RIOX2: variants seen among roughly 807,000 people sequenced by gnomAD.
RIOX2 encodes ribosomal oxygenase 2.
A neutral mutation model predicts 51.2 loss-of-function variants in RIOX2; 43 were observed. That is an observed-to-expected ratio of 0.84 (90% CI 0.66 to 1.08). The LOEUF is 1.08. Ranked by LOEUF, RIOX2 falls within the 50% of genes least tolerant of loss-of-function variation. The probability of loss-of-function intolerance (pLI) is 0.00; values close to 1 mark genes in which losing one functional copy is unlikely to be tolerated. For synonymous variants in RIOX2, 226 were observed against 218.5 expected (o/e 1.03, Z -0.30); for missense variants, 566 against 561.7 (o/e 1.01, Z -0.08).
chr3:97,942,344 C>G lies in RIOX2; in HGVS notation c.*2840G>C. On this transcript the variant is annotated 3_prime_UTR_variant, in exon 10 of 10. Transcript: ENST00000394198. Reference sequence around the variant, plus strand: ...GGACACACCTGGAGCTAAAGTAGCTCTATGGACTGAACATGGGCAATTCAG... The same window carrying G: ...GGACACACCTGGAGCTAAAGTAGCTGTATGGACTGAACATGGGCAATTCAG... 6.2e-7 allele frequency: 1 copy of G among 1,611,852 alleles called. No homozygotes were observed. Among genetic ancestry groups the G allele is most frequent in the East Asian group, 2.2e-5 (1 of 44,810 alleles).
At chr3:97,969,819 C>T (rs1421444650) in intron 1 of RIOX2, among the ~76,000 whole-genome samples, 1 of 152,216 alleles carries the variant, frequency 6.6e-6, no homozygotes, top group Non-Finnish European at 1.5e-5. Flanking sequence ...CAGAACTTCA[C>T]CCATGTGCCT....
At chr3:97,946,353 T>TA (rs1442321349) in intron 8 of RIOX2, among the ~76,000 whole-genome samples, 1 of 151,820 alleles carries the variant, frequency 6.6e-6, no homozygotes, top group African/African-American at 2.4e-5. Flanking sequence ...GTGTGATCGA[T>TA]AAAAAACTCC....
chr3:97,965,597 T>G (rs1705859825), intron 2 of RIOX2, among the ~76,000 whole-genome samples: 2 of 151,266 alleles, frequency 1.3e-5, no homozygotes, highest in South Asian at 4.2e-4. Context: ...TTTAATAAAC[T>G]CAGCCAGAGC....
chr3:97,967,398 T>A lies in RIOX2; in HGVS notation c.196A>T (p.Ile66Phe). ...GCCAGTGCAGGGTCATCTCTCTGAATGAGAAGGGGCTTCTGCTCCCAGAAT... is the reference window on the plus strand; with the variant it reads ...GCCAGTGCAGGGTCATCTCTCTGAAAGAGAAGGGGCTTCTGCTCCCAGAAT... Reference protein sequence around the residue: ...KEFWEQKPLLIQRDDPALATY... With the variant: ...KEFWEQKPLLFQRDDPALATY... Residue 66 changes from isoleucine (I) to phenylalanine (F), a missense_variant, in exon 2 of 10, where the codon ATT (isoleucine) becomes TTT (phenylalanine). Physicochemically the swap from Ile to Phe is conservative, Grantham distance 21. Coordinates refer to ENST00000394198, the MANE Select transcript of RIOX2 (RefSeq NM_153182.4). 1.2e-6 allele frequency: 2 copies of A among 1,614,146 alleles called. No homozygotes were observed. The highest frequency in any genetic ancestry group is 1.7e-6 in the Non-Finnish European group (2 of 1,180,020).
intron 1 of RIOX2, chr3:97,971,962 T>G (rs972078826): frequency 6.6e-6 from 1 of 152,246 alleles, no homozygotes; most frequent in Admixed American, 6.5e-5. Context: ...AGGCCCGACA[T>G]GACGCCCGGC....
rs530294298 is a variant in RIOX2, at chr3:97,971,198, T to A, written c.-40+1183A>T. ...TATTACTAAATCGGGGAGGGAAGTA[T>A]GAATTTCTACATCCCCTGGGCAGTT... On this transcript the variant is annotated intron_variant, in intron 1 of 9. Transcript: ENST00000394198. Among the ~76,000 whole-genome samples, 141 of 152,332 alleles carry A rather than the reference T, an allele frequency of 9.3e-4. 4 individuals are homozygous for A. The highest frequency in any genetic ancestry group is 5.2e-4 in the Admixed American group (8 of 15,300).
At chr3:97,945,569 A>G (rs112486596) in intron 9 of RIOX2, 26 of 607,936 alleles carry the variant, frequency 4.3e-5, no homozygotes, top group African/African-American at 7.4e-5. Context: ...ACATTATACC[A>G]TTCCTATAAG....
intron 2 of RIOX2, among the ~76,000 whole-genome samples, chr3:97,966,061 C>A (rs902001993): frequency 6.6e-6 from 1 of 152,170 alleles, no homozygotes; most frequent in Non-Finnish European, 1.5e-5. Flanking sequence ...CAGGACTCAT[C>A]TTGAAAAATC....
At chr3:97,945,974 C>A in intron 8 of RIOX2, 87 bp from the exon 9 acceptor site, 1 of 904,390 alleles carries the variant, frequency 1.1e-6, no homozygotes, top group African/African-American at 1.7e-5. Flanking sequence ...TAGGTCAACA[C>A]CAAAAAAAAT....
intron 7 of RIOX2, among the ~76,000 whole-genome samples, chr3:97,947,657 A>G (rs1189573076): frequency 6.6e-6 from 1 of 152,200 alleles, no homozygotes; most frequent in Non-Finnish European, 1.5e-5. Flanking sequence ...CTTACAGTGA[A>G]GACAGACATA....
intron 1 of RIOX2, among the ~76,000 whole-genome samples, chr3:97,970,440 A>G (rs1379357810): frequency 6.6e-6 from 1 of 152,232 alleles, no homozygotes. Flanking sequence ...CATTCCTCTT[A>G]ACAGCTTTCT....
At chr3:97,949,776 C>T in intron 7 of RIOX2, 68 bp downstream of exon 7, 2 of 1,433,114 alleles carry the variant, frequency 1.4e-6, no homozygotes, top group South Asian at 2.5e-5. Flanking sequence ...AAAAAGGAGC[C>T]TACCCAGAAA....
In RIOX2 at chr3:97,943,617, C is replaced by T. The variant is rs564084002; in HGVS notation, c.*1567G>A. 4.8e-5 allele frequency: 15 copies of T among 310,126 alleles called. No homozygotes were observed. Among genetic ancestry groups the T allele is most frequent in the African/African-American group, 2.3e-4 (10 of 44,312 alleles). 19.2% of individuals were successfully genotyped at this position (310,126 alleles called of 1,614,324 possible). ...TTTATTTTCTCTCATATCCACCAAACGTGAATCCTGTTCCTGATGGCCCGT... is the reference window on the plus strand; with the variant it reads ...TTTATTTTCTCTCATATCCACCAAATGTGAATCCTGTTCCTGATGGCCCGT... On this transcript the variant is annotated 3_prime_UTR_variant, in exon 10 of 10. Coordinates refer to ENST00000394198, the MANE Select transcript of RIOX2 (RefSeq NM_153182.4).
intron 5 of RIOX2, among the ~76,000 whole-genome samples, chr3:97,951,562 C>T (rs570923246): frequency 2.0e-5 from 3 of 152,228 alleles, no homozygotes; most frequent in South Asian, 2.1e-4. Flanking sequence ...TTCCTAAGTG[C>T]GTGCCGGTGT....
chr3:97,962,112 TG>T (rs1705702050), intron 2 of RIOX2, among the ~76,000 whole-genome samples: 1 of 151,972 alleles, frequency 6.6e-6, no homozygotes, highest in South Asian at 2.1e-4. Context: ...GAGAAGTGAC[TG>T]GGGTGGTAAG....
rs1169076522 is a variant in RIOX2 at position 97,944,241 on chromosome 3, G to A, written c.*943C>T. ...TCTCTACTAAATAACAGAAACCTCA[G>A]TTTTTCACTCCCATTGTAAGTAACT... On this transcript the variant is annotated 3_prime_UTR_variant, in exon 10 of 10. Transcript: ENST00000394198. 1 of 151,640 alleles carries A rather than the reference G, an allele frequency of 6.6e-6. No individual in the cohort carries two copies. Among genetic ancestry groups the A allele is most frequent in the Non-Finnish European group, 1.5e-5 (1 of 67,850 alleles). 9.4% of individuals were successfully genotyped at this position (151,640 alleles called of 1,614,324 possible).
rs1705945760 is a variant in RIOX2 at position 97,967,649 on chromosome 3, A to G, written c.-39-17T>C. 1 of 1,486,786 alleles carries G rather than the reference A, an allele frequency of 6.7e-7. No homozygotes were observed. Among genetic ancestry groups the G allele is most frequent in the African/African-American group, 1.4e-5 (1 of 71,350 alleles). The allele number at this position is 1,486,786 out of a possible 1,614,324, so 92.1% of individuals were successfully genotyped here. A position where few individuals can be genotyped will look rare whatever the true frequency, so the allele number is the denominator to read the frequency against. ...AATGCAAACCTACCAAAAGAACAAA[A>G]CACACATGGTTAGGTTTACAAGGAG... On this transcript the variant is annotated splice_polypyrimidine_tract_variant and intron_variant, in intron 1 of 9. Coordinates refer to ENST00000394198, the MANE Select transcript of RIOX2 (RefSeq NM_153182.4).
chr3:97,967,726 A>G lies in RIOX2; in HGVS notation c.-39-94T>C, dbSNP rs149119364. 9.9e-4 allele frequency: 870 copies of G among 881,926 alleles called. 1 individual carries two copies. The highest frequency in any genetic ancestry group is 1.3e-3 in the Non-Finnish European group (776 of 596,718). The allele number at this position is 881,926 out of a possible 1,614,324, so 54.6% of individuals were successfully genotyped here. ...GCGCACACACAACTGAATGACCATTACACCTTCGTGAGAACTCTTCATAGG... is the reference window on the plus strand; with the variant it reads ...GCGCACACACAACTGAATGACCATTGCACCTTCGTGAGAACTCTTCATAGG... On this transcript the variant is annotated intron_variant, in intron 1 of 9. Coordinates refer to ENST00000394198, the MANE Select transcript of RIOX2 (RefSeq NM_153182.4).
intron 8 of RIOX2, among the ~76,000 whole-genome samples, chr3:97,946,843 T>A (rs924859034): frequency 3.3e-5 from 5 of 151,904 alleles, no homozygotes; most frequent in Admixed American, 3.3e-4. Flanking sequence ...CAAGACCAGA[T>A]GAAACCCAGG....
Sources: allele counts gnomAD v4.1 joint callset (sites outside exome capture counted in the v4.1 genomes callset), GRCh38; gene constraint gnomAD v4.1.1; transcripts MANE v1.5; gene names NCBI Gene and HGNC (gene_info 2026-07-23, HGNC 2026-07-21).